Variants in TECPR2 observed in about 807,000 individuals in gnomAD.
TECPR2 encodes the protein tectonin beta-propeller repeat-containing protein 2.
Under a neutral mutation model 138.1 loss-of-function variants are expected in TECPR2, and 65 were observed. The observed-to-expected ratio is 0.47, with a 90% CI of 0.39 to 0.58. The LOEUF is 0.58. TECPR2 is among the 20% of genes least tolerant of loss of function. TECPR2 has a pLI of 0.00. For synonymous variants in TECPR2, 746 were observed against 749.8 expected, an observed-to-expected ratio of 0.99 and a Z score of 0.08; for missense variants, 1,553 against 1,824.5, an observed-to-expected ratio of 0.85 and a Z score of 2.71.
intron 17 of TECPR2, among the ~76,000 whole-genome samples, chr14:102,471,810 T>C (rs1320847690): frequency 6.6e-6 from 1 of 152,196 alleles, no homozygotes; most frequent in African/African-American, 2.4e-5. Context: ...ACACCTCCTT[T>C]TGGTTTTCTT....
chr14:102,407,523 T>C, intron 3 of TECPR2, 57 bp downstream of exon 3: 1 of 1,529,762 alleles, frequency 6.5e-7, no homozygotes, highest in Admixed American at 2.1e-5. Context: ...TCATGGATTT[T>C]TAAAATTAGA....
chr14:102,409,307 T>C (rs1433070130), intron 4 of TECPR2, among the ~76,000 whole-genome samples: 1 of 151,908 alleles, frequency 6.6e-6, no homozygotes, highest in African/African-American at 2.4e-5. Flanking sequence ...TTCAGCAATT[T>C]TTTTTTTTTT....
rs144459172 is a variant in TECPR2, at chr14:102,388,625, G to A, written c.219+11685G>A. Among the ~76,000 whole-genome samples, 1,487 of 151,878 alleles carry A rather than the reference G, an allele frequency of 9.8e-3. 33 individuals are homozygous for A. The highest frequency in any genetic ancestry group is 0.054 in the East Asian group (278 of 5,138). Reference sequence around the variant, plus strand: ...AGGAGGATCACGAGGTCAGGAGATCGAGACCATCCTGGCTAACATGGTGAA... The same window carrying A: ...AGGAGGATCACGAGGTCAGGAGATCAAGACCATCCTGGCTAACATGGTGAA... On this transcript the variant is annotated intron_variant, in intron 2 of 19. Coordinates refer to ENST00000359520, the MANE Select transcript of TECPR2 (RefSeq NM_014844.5).
intron 17 of TECPR2, among the ~76,000 whole-genome samples, chr14:102,494,835 A>G (rs1275023184): frequency 6.6e-6 from 1 of 151,248 alleles, no homozygotes. Flanking sequence ...AAAAAAAAAA[A>G]AAAAAAACTA....
At chr14:102,364,326 T>G (rs1248343881) in intron 1 of TECPR2, among the ~76,000 whole-genome samples, 1 of 152,224 alleles carries the variant, frequency 6.6e-6, no homozygotes, top group Non-Finnish European at 1.5e-5. Flanking sequence ...TCTGACCTTA[T>G]TTTTGTTGTT....
intron 2 of TECPR2, among the ~76,000 whole-genome samples, chr14:102,405,512 A>G (rs1888635313): frequency 6.6e-6 from 1 of 152,194 alleles, no homozygotes; most frequent in Non-Finnish European, 1.5e-5. Flanking sequence ...AAAAAGAAAA[A>G]AAGGAAATAA....
intron 8 of TECPR2, among the ~76,000 whole-genome samples, chr14:102,433,829 A>G (rs1889581083): frequency 1.3e-5 from 2 of 152,120 alleles, no homozygotes; most frequent in African/African-American, 4.8e-5. Context: ...CACAGCCCAG[A>G]TTTCATTCTT....
At chr14:102,477,717 A>ATTTTTT (rs35417768) in intron 17 of TECPR2, among the ~76,000 whole-genome samples, 1 of 117,210 alleles carries the variant, frequency 8.5e-6, no homozygotes, top group Admixed American at 9.5e-5. Context: ...TGCCCGGCAA[A>ATTTTTT]TTTTTTTTTT....
intron 13 of TECPR2, among the ~76,000 whole-genome samples, chr14:102,446,590 G>A (rs1263863586): frequency 6.6e-6 from 1 of 152,026 alleles, no homozygotes; most frequent in Non-Finnish European, 1.5e-5. Flanking sequence ...GCTAGACCCT[G>A]TCTCAAAATA....
intron 2 of TECPR2, among the ~76,000 whole-genome samples, chr14:102,406,302 A>C (rs1232321043): frequency 6.6e-6 from 1 of 152,198 alleles, no homozygotes; most frequent in African/African-American, 2.4e-5. Context: ...TAATCCCAGC[A>C]CTTTGGGAGG....
chr14:102,428,486 C>G (rs1431835864), intron 7 of TECPR2, 104 bp downstream of exon 7: 11 of 1,535,362 alleles, frequency 7.2e-6, no homozygotes, highest in Non-Finnish European at 8.8e-6. Context: ...TTGGGCCAGG[C>G]ATGGTGGCTC....
chr14:102,412,836 C>T (rs562501778), intron 4 of TECPR2, among the ~76,000 whole-genome samples: 93 of 152,044 alleles, frequency 6.1e-4, no homozygotes, highest in Non-Finnish European at 6.0e-4. Flanking sequence ...GGCTCACACC[C>T]GTAATCCCAG....
At chr14:102,400,759 C>T (rs905926094) in intron 2 of TECPR2, among the ~76,000 whole-genome samples, 3 of 152,100 alleles carry the variant, frequency 2.0e-5, no homozygotes, top group African/African-American at 7.2e-5. Context: ...ACAAGCCAGG[C>T]GCGGTGGCTC....
At chr14:102,411,895 C>T (rs1414722474) in intron 4 of TECPR2, among the ~76,000 whole-genome samples, 1 of 151,894 alleles carries the variant, frequency 6.6e-6, no homozygotes, top group Non-Finnish European at 1.5e-5. Context: ...CCTCATATGA[C>T]TACCTCATAA....
chr14:102,477,195 C>A (rs1890784204), intron 17 of TECPR2, among the ~76,000 whole-genome samples: 1 of 152,134 alleles, frequency 6.6e-6, no homozygotes, highest in Non-Finnish European at 1.5e-5. Flanking sequence ...CGTGGTGAAA[C>A]CCCGTCTCTA....
intron 17 of TECPR2, among the ~76,000 whole-genome samples, chr14:102,472,743 C>T (rs1595142875): frequency 1.3e-5 from 2 of 152,196 alleles, no homozygotes; most frequent in South Asian, 4.1e-4. Context: ...TCCGTAGTTC[C>T]CCCTACTTTA....
At chr14:102,371,026 C>G (rs1042183954) in intron 1 of TECPR2, among the ~76,000 whole-genome samples, 2 of 152,222 alleles carry the variant, frequency 1.3e-5, no homozygotes, top group African/African-American at 4.8e-5. Flanking sequence ...TTTTACTAAT[C>G]CCATTTCAGA....
intron 17 of TECPR2, among the ~76,000 whole-genome samples, chr14:102,489,960 G>A (rs1191471217): frequency 6.6e-6 from 1 of 151,860 alleles, no homozygotes; most frequent in Admixed American, 6.6e-5. Flanking sequence ...TTTAGTGGAG[G>A]CACTTACATC....
Position 102,435,231 on chromosome 14 carries a change from G to A in TECPR2, c.2394+20G>A, listed in dbSNP as rs753097239. On this transcript the variant is annotated intron_variant, in intron 9 of 19. Coordinates refer to ENST00000359520, the MANE Select transcript of TECPR2 (RefSeq NM_014844.5). ...GATCAGGTATGTGGGTTCGGGTGGT[G>A]GGAAAAGTAGCTGAGGCTTCTTTCT... The A allele has an allele frequency of 1.3e-6, 2 of 1,569,494 alleles. No homozygotes were observed. The highest frequency in any genetic ancestry group is 1.1e-5 in the South Asian group (1 of 88,340).
Sources: gnomAD v4.1 joint callset for allele counts (sites outside exome capture counted in the v4.1 genomes callset) on GRCh38, gnomAD v4.1.1 for gene constraint, MANE v1.5 for transcripts, NCBI Gene and HGNC (gene_info 2026-07-23, HGNC 2026-07-21) for gene names.